Variants in TENM1 observed in about 807,000 individuals in gnomAD.
The protein encoded by TENM1 is teneurin transmembrane protein 1.
Under a neutral mutation model 174.8 loss-of-function variants are expected in TENM1, and 35 were observed. The observed-to-expected ratio is 0.20, with a 90% CI of 0.15 to 0.27. TENM1 has a LOEUF of 0.27. Ranked by LOEUF, TENM1 falls within the 10% of genes least tolerant of loss-of-function variation. The probability of loss-of-function intolerance (pLI) is 1.00; values close to 1 mark genes in which losing one functional copy is unlikely to be tolerated. For synonymous variants in TENM1, 781 were observed against 798.7 expected (o/e 0.98, Z 0.37); for missense variants, 1,633 against 2,130.1 (o/e 0.77, Z 4.59).
At chrX:124,463,840 TGTGTG>T (rs1393166671) in intron 22 of TENM1, among the ~76,000 whole-genome samples, 11 of 76,852 alleles carry the variant, frequency 1.4e-4, no homozygotes, top group African/African-American at 8.4e-4. Context: ...GGTTGGGGTG[TGTGTG>T]TGTGTGTGTG....
chrX:124,789,626 T>C (rs2055131432), intron 3 of TENM1, among the ~76,000 whole-genome samples: 1 of 111,395 alleles, frequency 9.0e-6, no homozygotes, highest in Non-Finnish European at 1.9e-5. Flanking sequence ...GCTGCCAGTC[T>C]CTTTGCTAAA....
the TENM1 span, among the ~76,000 whole-genome samples, chrX:125,145,049 C>T: frequency 1.8e-5 from 2 of 111,485 alleles, no homozygotes; most frequent in Non-Finnish European, 3.8e-5. Context: ...TGTCCGGCTG[C>T]TCATAAATAT....
At chrX:124,603,095 T>G (rs1216876975) in intron 11 of TENM1, among the ~76,000 whole-genome samples, 1 of 102 alleles carries the variant, frequency 9.8e-3, no homozygotes, top group Non-Finnish European at 0.02. Context: ...CACCTGAAGC[T>G]GGAGAAGGCA....
chrX:125,139,153 C>T, the TENM1 span, among the ~76,000 whole-genome samples: 3 of 111,572 alleles, frequency 2.7e-5, no homozygotes, highest in Non-Finnish European at 5.7e-5. Context: ...TCAGAGCTTA[C>T]AATCTGATGG....
intron 3 of TENM1, among the ~76,000 whole-genome samples, chrX:124,871,591 G>A (rs1281681102): frequency 1.8e-5 from 2 of 111,969 alleles, no homozygotes; most frequent in Non-Finnish European, 3.8e-5. Flanking sequence ...TACCAAATAA[G>A]TAATTGAAAA....
At chrX:125,160,298 T>C in the TENM1 span, among the ~76,000 whole-genome samples, 15 of 102,061 alleles carry the variant, frequency 1.5e-4, no homozygotes, top group Admixed American at 1.5e-3. Context: ...CTGAGGCAGG[T>C]GGATCACTTG....
the TENM1 span, among the ~76,000 whole-genome samples, chrX:125,037,915 C>T: frequency 9.0e-6 from 1 of 111,517 alleles, no homozygotes; most frequent in Non-Finnish European, 1.9e-5. Flanking sequence ...TCAACAGAAT[C>T]AAGTGGGAAA....
intron 23 of TENM1, among the ~76,000 whole-genome samples, chrX:124,437,150 C>G (rs1272458963): frequency 7.4e-5 from 6 of 81,617 alleles, no homozygotes; most frequent in Non-Finnish European, 4.5e-5. Flanking sequence ...CGGGGTTTTG[C>G]CATGTTGGCC....
the TENM1 span, among the ~76,000 whole-genome samples, chrX:124,972,672 T>C: frequency 2.7e-5 from 3 of 112,251 alleles, no homozygotes; most frequent in South Asian, 3.7e-4. Context: ...GAAACAGCCA[T>C]AACATTTTAG....
chrX:124,698,813 C>A (rs1437886655), intron 5 of TENM1, among the ~76,000 whole-genome samples: 2 of 111,503 alleles, frequency 1.8e-5, no homozygotes, highest in Admixed American at 9.6e-5. Context: ...ACATACTATG[C>A]TTTTCAACCT....
At chrX:124,522,506 G>A (rs2047873069) in intron 17 of TENM1, among the ~76,000 whole-genome samples, 1 of 109,694 alleles carries the variant, frequency 9.1e-6, no homozygotes, top group Non-Finnish European at 1.9e-5. Context: ...AAATATCGAG[G>A]TTCAAAAATG....
chrX:124,785,263 A>G (rs2055008627), intron 3 of TENM1, among the ~76,000 whole-genome samples: 1 of 112,077 alleles, frequency 8.9e-6, no homozygotes, highest in African/African-American at 3.2e-5. Context: ...TAATAGTTAC[A>G]GTAGTGGGAA....
the TENM1 span, among the ~76,000 whole-genome samples, chrX:125,140,487 A>G: frequency 8.9e-6 from 1 of 111,879 alleles, no homozygotes; most frequent in African/African-American, 3.2e-5. Flanking sequence ...TAATAGGTAC[A>G]AACATACAGT....
intron 18 of TENM1, among the ~76,000 whole-genome samples, chrX:124,512,390 A>C (rs1237952811): frequency 1.8e-5 from 2 of 111,640 alleles, no homozygotes; most frequent in East Asian, 5.6e-4. Flanking sequence ...ATAAAGCACT[A>C]AGTCCAAATT....
intron 11 of TENM1, among the ~76,000 whole-genome samples, chrX:124,592,756 G>GC (rs1174319976): frequency 1.3e-5 from 1 of 78,794 alleles, no homozygotes; most frequent in Non-Finnish European, 2.5e-5. Context: ...AGGCCTTACT[G>GC]TTTTTTTTTT....
the TENM1 span, among the ~76,000 whole-genome samples, chrX:125,001,600 G>C: frequency 9.0e-6 from 1 of 110,522 alleles, no homozygotes; most frequent in Non-Finnish European, 1.9e-5. Context: ...CTTAGTTATG[G>C]AGATAAAATA....
chrX:125,091,676 C>T, the TENM1 span, among the ~76,000 whole-genome samples: 1 of 111,037 alleles, frequency 9.0e-6, no homozygotes, highest in African/African-American at 3.3e-5. Flanking sequence ...AATTTATCAG[C>T]TAGGTAACCC....
chrX:124,664,628 C>T (rs768538865), intron 6 of TENM1, among the ~76,000 whole-genome samples: 89 of 99,710 alleles, frequency 8.9e-4, no homozygotes, highest in African/African-American at 3.1e-3. Context: ...TGGCTGTAAA[C>T]AGTACATTTT....
intron 3 of TENM1, among the ~76,000 whole-genome samples, chrX:124,742,602 G>A (rs1469649509): frequency 9.0e-6 from 1 of 110,820 alleles, no homozygotes; most frequent in East Asian, 2.8e-4. Flanking sequence ...ATTAAGGGGT[G>A]CTGGCCCATA....
Sources: allele counts gnomAD v4.1 joint callset (sites outside exome capture counted in the v4.1 genomes callset), GRCh38; gene constraint gnomAD v4.1.1; transcripts MANE v1.5; gene names NCBI Gene and HGNC (gene_info 2026-07-23, HGNC 2026-07-21).